PLXNA1: variants seen among roughly 807,000 people sequenced by gnomAD.
PLXNA1 encodes the protein plexin-A1.
In PLXNA1, 77 loss-of-function variants were observed where a neutral mutation model predicts 191.7. The ratio of observed to expected loss-of-function variants is 0.40; its 90% CI spans 0.33 to 0.49. The LOEUF is 0.49. Ranked by LOEUF, PLXNA1 falls within the 20% of genes least tolerant of loss-of-function variation. The probability of loss-of-function intolerance (pLI) is 0.63; values close to 1 mark genes in which losing one functional copy is unlikely to be tolerated. For missense variants in PLXNA1, 2,110 were observed against 2,660.2 expected (o/e 0.79, Z 4.55); for synonymous variants, 1,137 against 1,156.4 (o/e 0.98, Z 0.34).
At chr3:127,030,485 T>A in intron 29 of PLXNA1, 73 bp downstream of exon 29, 1 of 1,550,046 alleles carries the variant, frequency 6.5e-7, no homozygotes, top group Non-Finnish European at 8.7e-7. Flanking sequence ...CCTCGCCCTG[T>A]TCTGATCCGG....
Position 127,017,021 on chromosome 3 carries a change from G to T in PLXNA1, c.3260G>T (p.Gly1087Val). ...CCCCGAATCCGGGCCAAGTATGGAG[G>T]CATTGAGAGGGAGAACGTGAGTCCC... is the stretch of plus-strand genomic sequence containing the variant. ...REPRIRAKYG[G>V]IERENGCLVY... The change falls in exon 17 of 32, where the codon GGC (glycine) becomes GTC (valine). Residue 1087 changes from glycine (G) to valine (V), a missense_variant. Gly to Val is a moderately radical substitution (Grantham distance 109). Coordinates refer to ENST00000393409, the MANE Select transcript of PLXNA1 (RefSeq NM_032242.4). The T allele has an allele frequency of 2.5e-6, 4 of 1,613,360 alleles. No homozygotes were observed. The highest frequency in any genetic ancestry group is 1.1e-5 in the South Asian group (1 of 91,080).
intron 23 of PLXNA1, among the ~76,000 whole-genome samples, chr3:127,026,092 G>A (rs1406985158): frequency 2.6e-5 from 4 of 152,196 alleles, no homozygotes; most frequent in African/African-American, 9.7e-5. Context: ...ACATTCCTGA[G>A]TGGGGCTGGG....
chr3:126,983,860 C>T (rs1005286978), intron 1 of PLXNA1, among the ~76,000 whole-genome samples: 1 of 152,036 alleles, frequency 6.6e-6, no homozygotes, highest in African/African-American at 2.4e-5. Context: ...GGAGGTCGTG[C>T]AGGCTAAGCC....
rs375875486 is a variant in PLXNA1, at chr3:126,988,887, G to A, written c.294G>A (p.Pro98=). 28 of 1,613,154 alleles carry A rather than the reference G, an allele frequency of 1.7e-5. No individual in the cohort carries two copies. Among genetic ancestry groups the A allele is most frequent in the South Asian group, 1.5e-4 (14 of 91,090 alleles). Residue 98 remains proline, a synonymous_variant, in exon 2 of 32, where the codon CCG becomes CCA. Transcript: ENST00000393409. ...PVEDNEKCYP[P]PSVQSCPHGL... ...AGGACAACGAGAAGTGCTACCCGCC[G>A]CCCAGCGTGCAGTCCTGCCCCCACG...
intron 23 of PLXNA1, 153 bp from the exon 24 acceptor site, chr3:127,027,787 G>T: frequency 1.0e-6 from 1 of 971,892 alleles, no homozygotes; most frequent in Non-Finnish European, 1.6e-6. Flanking sequence ...GCTGGGCTTT[G>T]GGACTAAGGC....
chr3:127,000,018 G>T (rs913745728), intron 3 of PLXNA1, among the ~76,000 whole-genome samples: 6 of 152,054 alleles, frequency 3.9e-5, no homozygotes, highest in Non-Finnish European at 7.4e-5. Context: ...CCAGGGGTGG[G>T]TGGGGGCCTG....
chr3:126,988,037 A>G (rs376469485), intron 1 of PLXNA1, among the ~76,000 whole-genome samples: 30 of 152,180 alleles, frequency 2.0e-4, no homozygotes, highest in Non-Finnish European at 4.0e-4. Flanking sequence ...CATCTATGTC[A>G]AGCTTCTGTA....
intron 9 of PLXNA1, among the ~76,000 whole-genome samples, chr3:127,009,083 G>A (rs2079083142): frequency 6.6e-6 from 1 of 151,984 alleles, no homozygotes; most frequent in Non-Finnish European, 1.5e-5. Flanking sequence ...GGGGCCTCTC[G>A]GGCCAGGGAG....
rs368950629 is a variant in PLXNA1, at chr3:126,989,241, C to T, written c.648C>T (p.Phe216=). The change falls in exon 2 of 32, where the codon TTC becomes TTT. Residue 216 remains phenylalanine (F), a synonymous_variant. Transcript: ENST00000393409. ...CCAACGAGGAGGATGCCGACATGTT[C>T]GGCTTCGTGTACCAGGATGAGTTTG... ...LMANEEDADM[F]GFVYQDEFVS... The T allele has an allele frequency of 3.2e-5, 52 of 1,613,538 alleles. 1 individual carries two copies. The highest frequency in any genetic ancestry group is 2.9e-4 in the East Asian group (13 of 44,894).
Position 127,029,615 on chromosome 3 carries a change from G to T in PLXNA1, c.4870+79G>T, listed in dbSNP as rs1352531351. 1.3e-5 allele frequency: 19 copies of T among 1,461,234 alleles called. No homozygotes were observed. The East Asian group carries it at 4.1e-4, about 32-fold the overall frequency. The allele number at this position is 1,461,234 out of a possible 1,614,324, so 90.5% of individuals were successfully genotyped here. On this transcript the variant is annotated intron_variant, in intron 27 of 31. Transcript: ENST00000393409. ...AGGACGTCCCCCGGGCTCCCACGCT[G>T]CAGCAGCCGGACGGGAGGACCCAGG...
rs2079249789 is a variant in PLXNA1 at position 127,037,387 on chromosome 3, A to G, written c.*3370A>G. 6.6e-6 allele frequency: 1 copy of G among 152,538 alleles called. No homozygotes were observed. Among genetic ancestry groups the G allele is most frequent in the South Asian group, 2.1e-4 (1 of 4,834 alleles). 9.4% of individuals were successfully genotyped at this position (152,538 alleles called of 1,614,324 possible). A position where few individuals can be genotyped will look rare whatever the true frequency, so the allele number is the denominator to read the frequency against. ...AAGGAGAGATTAAACATTTTTGCTAAAAGCTCTTGGCTCCAGGTTTTCCTT... is the reference window on the plus strand; with the variant it reads ...AAGGAGAGATTAAACATTTTTGCTAGAAGCTCTTGGCTCCAGGTTTTCCTT... On this transcript the variant is annotated 3_prime_UTR_variant, in exon 32 of 32. Transcript: ENST00000393409.
Position 127,014,357 on chromosome 3 carries a change from C to A in PLXNA1, c.2586C>A (p.Thr862=), listed in dbSNP as rs775161188. 1 of 1,593,282 alleles carries A rather than the reference C, an allele frequency of 6.3e-7. No homozygotes were observed. The highest frequency in any genetic ancestry group is 2.2e-5 in the East Asian group (1 of 44,474). ...CGCGTCACGGCAGCAGTCGCTGCACCGACCCCAAGATCCTCAAGGTAGGGC... is the reference window on the plus strand; with the variant it reads ...CGCGTCACGGCAGCAGTCGCTGCACAGACCCCAAGATCCTCAAGGTAGGGC... ...MHARHGSSRC[T]DPKILKLSPE... The change falls in exon 12 of 32, where the codon ACC becomes ACA. Residue 862 remains threonine (T), a synonymous_variant. Coordinates refer to ENST00000393409, the MANE Select transcript of PLXNA1 (RefSeq NM_032242.4).
chr3:126,991,294 G>T lies in PLXNA1; in HGVS notation c.1195-90G>T, dbSNP rs972725429. The T allele has an allele frequency of 7.4e-5, 108 of 1,451,944 alleles. No homozygotes were observed. In the African/African-American group the frequency reaches 1.4e-3, roughly 19 times the overall value. The allele number at this position is 1,451,944 out of a possible 1,614,324, so 89.9% of individuals were successfully genotyped here. ...GGGCTACCCCCAACCTCTCTAGAAAGACAACTGCACTCCCAGCCCTGCCCA... is the reference window on the plus strand; with the variant it reads ...GGGCTACCCCCAACCTCTCTAGAAATACAACTGCACTCCCAGCCCTGCCCA... On this transcript the variant is annotated intron_variant, in intron 2 of 31. Transcript: ENST00000393409.
At chr3:127,018,690 G>A (rs540149321) in intron 20 of PLXNA1, among the ~76,000 whole-genome samples, 162 bp downstream of exon 20, 9 of 152,342 alleles carry the variant, frequency 5.9e-5, no homozygotes, top group South Asian at 4.1e-4. Flanking sequence ...GGCAGTGGGC[G>A]GGTGCCTGAC....
At position 127,029,865 on chromosome 3, in the gene PLXNA1, G is replaced by A. The variant is rs1285088366; in HGVS notation, c.4871-9G>A. 3 of 1,598,712 alleles carry A rather than the reference G, an allele frequency of 1.9e-6. No homozygotes were observed. Among genetic ancestry groups the A allele is most frequent in the Non-Finnish European group, 2.6e-6 (3 of 1,169,154 alleles). ...AGCCAACGCGGGCGCTGACAGCCTG[G>A]TGCTGCAGAGAGCATGCTGCGCACG... On this transcript the variant is annotated splice_polypyrimidine_tract_variant and intron_variant, in intron 27 of 31. Coordinates refer to ENST00000393409, the MANE Select transcript of PLXNA1 (RefSeq NM_032242.4).
intron 14 of PLXNA1, 123 bp from the exon 15 acceptor site, chr3:127,015,061 C>G: frequency 1.4e-6 from 2 of 1,419,760 alleles, no homozygotes; most frequent in South Asian, 2.8e-5. Context: ...GTGCAGCTCC[C>G]GGGCATGCGG....
intron 2 of PLXNA1, 140 bp from the exon 3 acceptor site, chr3:126,991,244 C>T: frequency 1.2e-6 from 1 of 857,612 alleles, no homozygotes. Context: ...GTCTTAAACC[C>T]TCTCTGTCTG....
chr3:126,989,839 C>T (rs767479544), intron 2 of PLXNA1, 52 bp downstream of exon 2: 58 of 1,455,612 alleles, frequency 4.0e-5, no homozygotes, highest in Middle Eastern at 4.2e-4. Context: ...CCTCCAGGGA[C>T]GACGGCATCG....
In PLXNA1 at chr3:127,017,502, G is replaced by T; in HGVS notation, c.3354G>T (p.Glu1118Asp). ...SVANPVRSPP[E>D]LGERPDELGF... The stretch of plus-strand genomic sequence containing the variant: ...CCAACCCTGTGCGCAGCCCACCAGA[G>T]CTGGGGGAGCGGCCGGATGAGCTGG... The change falls in exon 18 of 32, where the codon GAG (glutamate) becomes GAT (aspartate). Residue 1118 changes from glutamate (E) to aspartate (D), a missense_variant. Physicochemically the swap from Glu to Asp is conservative, Grantham distance 45 (BLOSUM62 2). Transcript: ENST00000393409. The T allele has an allele frequency of 1.2e-6, 2 of 1,613,652 alleles. No individual in the cohort carries two copies. Among genetic ancestry groups the T allele is most frequent in the Non-Finnish European group, 1.7e-6 (2 of 1,180,018 alleles).
Sources: gnomAD v4.1 joint callset for allele counts (sites outside exome capture counted in the v4.1 genomes callset) on GRCh38, gnomAD v4.1.1 for gene constraint, MANE v1.5 for transcripts, NCBI Gene and HGNC (gene_info 2026-07-23, HGNC 2026-07-21) for gene names.